The following KNDC1 variants were observed in gnomAD, a reference collection of about 807,000 sequenced individuals.
The protein encoded by KNDC1 is kinase non-catalytic C-lobe domain containing 1.
In KNDC1, 106 loss-of-function variants were observed where a neutral mutation model predicts 172.8. The ratio of observed to expected loss-of-function variants is 0.61; its 90% CI spans 0.52 to 0.72. The LOEUF is 0.72. Among genes scored for constraint, KNDC1 ranks in the 30% least tolerant of loss-of-function variants. The pLI is 0.00. For missense variants in KNDC1, 2,325 were observed against 2,394.5 expected, an observed-to-expected ratio of 0.97 and a Z score of 0.61; for synonymous variants, 1,083 against 1,062.2, an observed-to-expected ratio of 1.02 and a Z score of -0.38.
At position 133,199,002 on chromosome 10, in the gene KNDC1, C is replaced by G. The variant is rs1210433462; in HGVS notation, c.2494C>G (p.Pro832Ala). Residue 832 changes from proline to alanine, a missense_variant, in exon 14 of 30, where the codon CCA becomes GCA. Pro to Ala is a conservative substitution (Grantham distance 27). Coordinates refer to ENST00000304613, the MANE Select transcript of KNDC1 (RefSeq NM_152643.8). The stretch of plus-strand genomic sequence containing the variant: ...CGGCCCACGCCACCCGCCCAAGCCC[C>G]CACGAAGCAAGGCCACCGAGCGCCC... ...HHGPRHPPKP[P>A]RSKATERPGQ... The G allele has an allele frequency of 6.4e-7, 1 of 1,559,454 alleles. No homozygotes were observed. Among genetic ancestry groups the G allele is most frequent in the East Asian group, 2.4e-5 (1 of 41,574 alleles).
intron 9 of KNDC1, among the ~76,000 whole-genome samples, chr10:133,194,810 A>G (rs575017861): frequency 6.6e-6 from 1 of 152,370 alleles, no homozygotes; most frequent in South Asian, 2.1e-4. Flanking sequence ...GAAGTGATGG[A>G]GAACACGTGG....
At position 133,195,780 on chromosome 10, in the gene KNDC1, C is replaced by T. The variant is rs144567158; in HGVS notation, c.1693C>T (p.Arg565Cys). The T allele has an allele frequency of 7.7e-5, 123 of 1,598,430 alleles. No individual in the cohort carries two copies. The Admixed American group carries it at 1.4e-3, about 18-fold the overall frequency. The part of the protein sequence containing the change: ...LKTLLLDMAR[R>C]SAPERPSAAE... ...GACCCTCCTCCTGGACATGGCCAGG[C>T]GCAGTGCCCCGGAGCGGCCGTCCGC... The change falls in exon 10 of 30, where the codon CGC (arginine) becomes TGC (cysteine). Residue 565 changes from arginine (R) to cysteine (C), a missense_variant. Arg to Cys is a radical substitution (Grantham distance 180). Transcript: ENST00000304613.
rs553485274 is a variant in KNDC1, at chr10:133,207,881, A to G, written c.3794+530A>G. ...GCCCACTCACCTCCACCAGGGCCAC[A>G]GGGCCAGACCCCCGGCCGCCCCACC... On this transcript the variant is annotated intron_variant, in intron 20 of 29. Transcript: ENST00000304613. 7.2e-5 allele frequency among the ~76,000 whole-genome samples: 11 copies of G among 152,322 alleles called. No homozygotes were observed. The South Asian group carries it at 2.1e-3, about 29-fold the overall frequency.
At chr10:133,216,634 A>G (rs968350980) in intron 26 of KNDC1, among the ~76,000 whole-genome samples, 6 of 152,160 alleles carry the variant, frequency 3.9e-5, no homozygotes, top group Non-Finnish European at 8.8e-5. Context: ...CTGAGGTTGC[A>G]CCACGGCAGC....
intron 3 of KNDC1, among the ~76,000 whole-genome samples, chr10:133,176,989 C>A (rs78840686): frequency 1.3e-5 from 2 of 152,340 alleles, no homozygotes; most frequent in Non-Finnish European, 2.9e-5. Flanking sequence ...GCAGCCTCTG[C>A]CATCTGAGTC....
intron 3 of KNDC1, among the ~76,000 whole-genome samples, chr10:133,170,521 A>G (rs1448798317): frequency 2.0e-5 from 3 of 152,206 alleles, no homozygotes; most frequent in Admixed American, 1.3e-4. Flanking sequence ...GTGAAGCTTT[A>G]TAACCCTAAA....
chr10:133,208,548 G>A (rs1327383392), intron 20 of KNDC1, among the ~76,000 whole-genome samples: 1 of 79,236 alleles, frequency 1.3e-5, no homozygotes, highest in South Asian at 5.9e-4. Flanking sequence ...CCCCAACCCC[G>A]TTACCCCAAG....
chr10:133,206,912 T>C lies in KNDC1; in HGVS notation c.3538T>C (p.Ser1180Pro), dbSNP rs1845211590. Residue 1180 changes from serine (S) to proline (P), a missense_variant, in exon 19 of 30, where the codon TCC (serine) becomes CCC (proline). By Grantham distance (74) the Ser-to-Pro change is moderately conservative. Coordinates refer to ENST00000304613, the MANE Select transcript of KNDC1 (RefSeq NM_152643.8). ...KLKGQLEEMK[S>P]RVQFLSLVKK... is the part of the protein sequence containing the mutation. ...GAAAGGGCAGCTAGAAGAAATGAAA[T>C]CCAGGGTGCAATTCCTCAGCTTGGT... 1 of 1,614,020 alleles carries C rather than the reference T, an allele frequency of 6.2e-7. No individual in the cohort carries two copies. Among genetic ancestry groups the C allele is most frequent in the East Asian group, 2.2e-5 (1 of 44,864 alleles).
Position 133,201,705 on chromosome 10 carries a change from C to G in KNDC1, c.3194C>G (p.Ala1065Gly), listed in dbSNP as rs777553389. The G allele has an allele frequency of 3.1e-6, 5 of 1,610,780 alleles. No homozygotes were observed. The highest frequency in any genetic ancestry group is 1.7e-4 in the Middle Eastern group (1 of 5,916). The change falls in exon 17 of 30, where the codon GCA (alanine) becomes GGA (glycine). Residue 1065 changes from alanine to glycine, a missense_variant. Ala to Gly is a moderately conservative substitution (Grantham distance 60, BLOSUM62 0). Coordinates refer to ENST00000304613, the MANE Select transcript of KNDC1 (RefSeq NM_152643.8). ...RPAGGASDVE[A>G]VTRLARSKGV... The stretch of plus-strand genomic sequence containing the variant: ...GCTGGCGGGGCCTCAGACGTGGAGG[C>G]AGTGACCCGACTGGCCAGGTCCAAA...
At chr10:133,221,554 C>A (rs78839569) in intron 29 of KNDC1, among the ~76,000 whole-genome samples, 7,119 of 152,258 alleles carry the variant, frequency 0.047, 177 homozygotes, top group African/African-American at 0.057. Context: ...TGTCCACACA[C>A]GGTCAGGTGG....
intron 5 of KNDC1, among the ~76,000 whole-genome samples, chr10:133,185,024 T>G (rs4072750): frequency 1.3e-3 from 193 of 152,398 alleles, no homozygotes; most frequent in African/African-American, 4.4e-3. Flanking sequence ...CATCGCTACC[T>G]GCAGCACGGA....
At position 133,206,870 on chromosome 10, in the gene KNDC1, A is replaced by T; in HGVS notation, c.3496A>T (p.Thr1166Ser). The T allele has an allele frequency of 1.9e-6, 3 of 1,614,114 alleles. No individual in the cohort carries two copies. The highest frequency in any genetic ancestry group is 2.5e-6 in the Non-Finnish European group (3 of 1,179,986). ...TCCACCCACAGGTTCCGACGTCAAG[A>T]CCATGCTGTCCAAGCTGAAAGGGCA... The part of the protein sequence containing the change: ...EKRNKGSDVK[T>S]MLSKLKGQLE... Residue 1166 changes from threonine (T) to serine (S), a missense_variant, in exon 19 of 30, where the codon ACC becomes TCC. Thr to Ser is a moderately conservative substitution (Grantham distance 58, BLOSUM62 1). Coordinates refer to ENST00000304613, the MANE Select transcript of KNDC1 (RefSeq NM_152643.8).
chr10:133,212,598 C>A, intron 23 of KNDC1, 118 bp from the exon 24 acceptor site: 1 of 795,528 alleles, frequency 1.3e-6, no homozygotes, highest in East Asian at 2.7e-5. Context: ...CTGGGCCAGT[C>A]TGAGGAGTAC....
At chr10:133,182,871 T>C (rs1172033410) in intron 3 of KNDC1, among the ~76,000 whole-genome samples, 1 of 140,140 alleles carries the variant, frequency 7.1e-6, no homozygotes, top group Non-Finnish European at 1.5e-5. Flanking sequence ...GTGGGTGGCA[T>C]GGGCGCAGGC....
At chr10:133,201,360 G>A in intron 16 of KNDC1, 141 bp from the exon 17 acceptor site, 1 of 888,464 alleles carries the variant, frequency 1.1e-6, no homozygotes, top group Non-Finnish European at 1.8e-6. Flanking sequence ...CGGCAGCCGT[G>A]CCCGGGGGGC....
Position 133,199,014 on chromosome 10 carries a change from G to A in KNDC1, c.2506G>A (p.Ala836Thr), listed in dbSNP as rs1376084341. 2 of 1,565,228 alleles carry A rather than the reference G, an allele frequency of 1.3e-6. No individual in the cohort carries two copies. Among genetic ancestry groups the A allele is most frequent in the East Asian group, 4.8e-5 (2 of 41,828 alleles). The change falls in exon 14 of 30, where the codon GCC becomes ACC. Residue 836 changes from alanine to threonine, a missense_variant. Transcript: ENST00000304613. ...CCCGCCCAAGCCCCCACGAAGCAAGGCCACCGAGCGCCCGGGCCAGGAGCC... is the reference window on the plus strand; with the variant it reads ...CCCGCCCAAGCCCCCACGAAGCAAGACCACCGAGCGCCCGGGCCAGGAGCC... ...RHPPKPPRSKATERPGQEPEG... is the reference protein window; with the variant it reads ...RHPPKPPRSKTTERPGQEPEG...
At position 133,197,698 on chromosome 10, in the gene KNDC1, C is replaced by G. The variant is rs745810124; in HGVS notation, c.1836C>G (p.Ile612Met). The G allele has an allele frequency of 5.0e-6, 8 of 1,613,364 alleles. No individual in the cohort carries two copies. In the Admixed American group the frequency reaches 1.3e-4, roughly 27 times the overall value. ...ICQVYQEEET[I>M]SLQNAFSVVE... Reference sequence around the variant, plus strand: ...AGGTGTACCAGGAGGAAGAGACCATCAGCCTCCAAAACGCCTTCTCAGTGG... The same window carrying G: ...AGGTGTACCAGGAGGAAGAGACCATGAGCCTCCAAAACGCCTTCTCAGTGG... Residue 612 changes from isoleucine (I) to methionine (M), a missense_variant, in exon 12 of 30, where the codon ATC becomes ATG. Transcript: ENST00000304613.
At chr10:133,180,328 C>G (rs924983911) in intron 3 of KNDC1, among the ~76,000 whole-genome samples, 1 of 152,214 alleles carries the variant, frequency 6.6e-6, no homozygotes, top group Non-Finnish European at 1.5e-5. Context: ...GGCTCTGCAC[C>G]TCGAGGGCCG....
In KNDC1 at chr10:133,183,920, C is replaced by G. The variant is rs913604987; in HGVS notation, c.556C>G (p.Arg186Gly). ...EEKLQLTSSC[R>G]VCRSLSAVGR... ...GAAGCTGCAGCTCACATCCTCCTGT[C>G]GCGTGTGCCGGAGCCTCTCTGCTGT... is the stretch of plus-strand genomic sequence containing the variant. The change falls in exon 5 of 30, where the codon CGC (arginine) becomes GGC (glycine). Residue 186 changes from arginine to glycine, a missense_variant. Transcript: ENST00000304613. 3 of 1,604,314 alleles carry G rather than the reference C, an allele frequency of 1.9e-6. No individual in the cohort carries two copies. The highest frequency in any genetic ancestry group is 2.6e-6 in the Non-Finnish European group (3 of 1,172,650).
Sources: gnomAD v4.1 joint callset for allele counts (sites outside exome capture counted in the v4.1 genomes callset) on GRCh38, gnomAD v4.1.1 for gene constraint, MANE v1.5 for transcripts, NCBI Gene and HGNC (gene_info 2026-07-23, HGNC 2026-07-21) for gene names.